Variants in SMIM10L1 observed in about 807,000 individuals in gnomAD.
SMIM10L1 encodes small integral membrane protein 10-like protein 1.
SMIM10L1 carries 6 observed loss-of-function variants against 4.5 expected under a neutral mutation model. The ratio of observed to expected loss-of-function variants is 1.33; its 90% CI spans 0.73 to 2.62. The LOEUF is 2.62. SMIM10L1 is among the 30% of genes most tolerant of loss of function. The pLI is 0.00. For synonymous variants in SMIM10L1, 49 were observed against 42.2 expected (o/e 1.16, Z -0.63); for missense variants, 66 against 86.2 (o/e 0.77, Z 0.93).
rs1565732454 is a variant in SMIM10L1 at position 11,172,497 on chromosome 12, C to T, written c.*934C>T. ...TGGGGAAAGACATTTTTATTACTTA[C>T]AGGGTAGCCATAAAGTTTCTAAAAC... On this transcript the variant is annotated 3_prime_UTR_variant, in exon 1 of 1. Coordinates refer to ENST00000622602, the MANE Select transcript of SMIM10L1 (RefSeq NM_001271592.2). The T allele has an allele frequency of 6.6e-6, 1 of 151,968 alleles. No homozygotes were observed. Among genetic ancestry groups the T allele is most frequent in the Non-Finnish European group, 1.5e-5 (1 of 68,006 alleles). 9.4% of individuals were successfully genotyped at this position (151,968 alleles called of 1,614,324 possible).
chr12:11,173,021 G>A lies in SMIM10L1; in HGVS notation c.*1458G>A, dbSNP rs1947888655. ...AAAAACTAATAATAAATCACCAAGA[G>A]TGGTAAAGTTTTAAATCAAGATCTG... On this transcript the variant is annotated 3_prime_UTR_variant, in exon 1 of 1. Coordinates refer to ENST00000622602, the MANE Select transcript of SMIM10L1 (RefSeq NM_001271592.2). The A allele has an allele frequency of 6.6e-6, 1 of 151,570 alleles. No homozygotes were observed. The allele number at this position is 151,570 out of a possible 1,614,324, so 9.4% of individuals were successfully genotyped here.
chr12:11,174,780 T>G lies in SMIM10L1; in HGVS notation c.*3217T>G, dbSNP rs1947924973. On this transcript the variant is annotated 3_prime_UTR_variant, in exon 1 of 1. Transcript: ENST00000622602. ...TCATTTTTAAAATATATTGAGTTTT[T>G]AATACCAGGAACTATGAAAAACTAT... The G allele has an allele frequency of 6.6e-6, 1 of 152,416 alleles. No homozygotes were observed. The highest frequency in any genetic ancestry group is 2.4e-5 in the African/African-American group (1 of 41,420). 9.4% of individuals were successfully genotyped at this position (152,416 alleles called of 1,614,324 possible).
At position 11,172,401 on chromosome 12, in the gene SMIM10L1, G is replaced by A. The variant is rs34270405; in HGVS notation, c.*838G>A. ...ACAAGTGGGAATGTTGAAGGAGGGC[G>A]GGGGAAGTAAATGGAATGGGGGTTA... On this transcript the variant is annotated 3_prime_UTR_variant, in exon 1 of 1. Coordinates refer to ENST00000622602, the MANE Select transcript of SMIM10L1 (RefSeq NM_001271592.2). The A allele has an allele frequency of 0.23, 35,576 of 152,052 alleles. 4,184 individuals are homozygous for A. Among genetic ancestry groups the A allele is most frequent in the Non-Finnish European group, 0.25 (16,869 of 67,958 alleles). The allele number at this position is 152,052 out of a possible 1,614,324, so 9.4% of individuals were successfully genotyped here.
rs1592143970 is a variant in SMIM10L1, at chr12:11,171,651, G to GC, written c.*92dup. The GC allele has an allele frequency of 2.1e-6, 2 of 968,294 alleles. No individual in the cohort carries two copies. The highest frequency in any genetic ancestry group is 2.7e-6 in the Non-Finnish European group (2 of 747,386). The allele number at this position is 968,294 out of a possible 1,614,324, so 60.0% of individuals were successfully genotyped here. On this transcript the variant is annotated 3_prime_UTR_variant, in exon 1 of 1. Coordinates refer to ENST00000622602, the MANE Select transcript of SMIM10L1 (RefSeq NM_001271592.2). Reference sequence around the variant, plus strand: ...GGCGCGGCGGAGCAGCCAATGGCGAGCCCCACAGTCTCGCGAGAGTGCTCA... The same window carrying GC: ...GGCGCGGCGGAGCAGCCAATGGCGAGCCCCCACAGTCTCGCGAGAGTGCTCA...
chr12:11,171,506 G>GTT lies in SMIM10L1; in HGVS notation c.151_152insTT (p.Tyr51PhefsTer9). The GTT allele has an allele frequency of 8.1e-7, 1 of 1,232,296 alleles. No homozygotes were observed. Among genetic ancestry groups the GTT allele is most frequent in the Non-Finnish European group, 1.0e-6 (1 of 988,106 alleles). The allele number at this position is 1,232,296 out of a possible 1,614,324, so 76.3% of individuals were successfully genotyped here. A position where few individuals can be genotyped will look rare whatever the true frequency, so the allele number is the denominator to read the frequency against. Reference sequence around the variant, plus strand: ...CCTGGCAGCTGCGCATGAACTTCCCGTACTTCTACGTCGCGGGCTCGGTGA... The same window carrying GTT: ...CCTGGCAGCTGCGCATGAACTTCCCGTTTACTTCTACGTCGCGGGCTCGGTGA... On this transcript the variant is annotated frameshift_variant, in exon 1 of 1. Coordinates refer to ENST00000622602, the MANE Select transcript of SMIM10L1 (RefSeq NM_001271592.2). LOFTEE classifies it high-confidence loss of function.
rs969453479 is a variant in SMIM10L1 at position 11,173,613 on chromosome 12, C to G, written c.*2050C>G. ...TCGTGGACATCACTGTTTCCCAGAG[C>G]ACTGATGTCCCAATTTGTAACACAA... On this transcript the variant is annotated 3_prime_UTR_variant, in exon 1 of 1. Coordinates refer to ENST00000622602, the MANE Select transcript of SMIM10L1 (RefSeq NM_001271592.2). 10 of 152,168 alleles carry G rather than the reference C, an allele frequency of 6.6e-5. No homozygotes were observed. Among genetic ancestry groups the G allele is most frequent in the Non-Finnish European group, 1.2e-4 (8 of 68,022 alleles). The allele number at this position is 152,168 out of a possible 1,614,324, so 9.4% of individuals were successfully genotyped here.
At position 11,173,924 on chromosome 12, in the gene SMIM10L1, ATATG is replaced by A. The variant is rs1298159898; in HGVS notation, c.*2365_*2368del. On this transcript the variant is annotated 3_prime_UTR_variant, in exon 1 of 1. Transcript: ENST00000622602. The stretch of plus-strand genomic sequence containing the variant: ...ATATATAAATTTAAGTAGTAACTAT[ATATG>A]TATATATGTATAGTTACTACTTACT... The A allele has an allele frequency of 9.9e-5, 15 of 151,394 alleles. No individual in the cohort carries two copies. The highest frequency in any genetic ancestry group is 2.1e-4 in the South Asian group (1 of 4,818). 9.4% of individuals were successfully genotyped at this position (151,394 alleles called of 1,614,324 possible).
chr12:11,173,119 GA>G lies in SMIM10L1; in HGVS notation c.*1557del, dbSNP rs1356126678. 2 of 151,922 alleles carry G rather than the reference GA, an allele frequency of 1.3e-5. No individual in the cohort carries two copies. Among genetic ancestry groups the G allele is most frequent in the Non-Finnish European group, 2.9e-5 (2 of 67,974 alleles). The allele number at this position is 151,922 out of a possible 1,614,324, so 9.4% of individuals were successfully genotyped here. ...AAAAAATTAACTAATAAACCACTAAGAGGGGTAAAGTGTTAAAATAGTTGCA... is the reference window on the plus strand; with the variant it reads ...AAAAAATTAACTAATAAACCACTAAGGGGGTAAAGTGTTAAAATAGTTGCA... On this transcript the variant is annotated 3_prime_UTR_variant, in exon 1 of 1. Transcript: ENST00000622602.
In SMIM10L1 at chr12:11,171,637, G is replaced by C; in HGVS notation, c.*74G>C. 1 of 1,048,190 alleles carries C rather than the reference G, an allele frequency of 9.5e-7. No individual in the cohort carries two copies. Among genetic ancestry groups the C allele is most frequent in the Non-Finnish European group, 1.2e-6 (1 of 820,338 alleles). The allele number at this position is 1,048,190 out of a possible 1,614,324, so 64.9% of individuals were successfully genotyped here. A position where few individuals can be genotyped will look rare whatever the true frequency, so the allele number is the denominator to read the frequency against. On this transcript the variant is annotated 3_prime_UTR_variant, in exon 1 of 1. Coordinates refer to ENST00000622602, the MANE Select transcript of SMIM10L1 (RefSeq NM_001271592.2). ...CCAGGGTCCGTTGCGGCGCGGCGGAGCAGCCAATGGCGAGCCCCACAGTCT... is the reference window on the plus strand; with the variant it reads ...CCAGGGTCCGTTGCGGCGCGGCGGACCAGCCAATGGCGAGCCCCACAGTCT...
rs1449212359 is a variant in SMIM10L1, at chr12:11,174,085, TG to T, written c.*2523del. On this transcript the variant is annotated 3_prime_UTR_variant, in exon 1 of 1. Coordinates refer to ENST00000622602, the MANE Select transcript of SMIM10L1 (RefSeq NM_001271592.2). ...GGAGTTAAATGTATTAGGAGGTAAA[TG>T]TAAACTCTGTGGTTTATCATTTATT... 1 of 151,960 alleles carries T rather than the reference TG, an allele frequency of 6.6e-6. No homozygotes were observed. The highest frequency in any genetic ancestry group is 6.6e-5 in the Admixed American group (1 of 15,250). The allele number at this position is 151,960 out of a possible 1,614,324, so 9.4% of individuals were successfully genotyped here.
In SMIM10L1 at chr12:11,173,936, GTA is replaced by G. The variant is rs1297203448; in HGVS notation, c.*2376_*2377del. The G allele has an allele frequency of 6.6e-6, 1 of 150,836 alleles. No homozygotes were observed. The highest frequency in any genetic ancestry group is 2.4e-5 in the African/African-American group (1 of 40,980). The allele number at this position is 150,836 out of a possible 1,614,324, so 9.3% of individuals were successfully genotyped here. A position where few individuals can be genotyped will look rare whatever the true frequency, so the allele number is the denominator to read the frequency against. ...AAGTAGTAACTATATATGTATATATGTATAGTTACTACTTACTATATATGTAT... is the reference window on the plus strand; with the variant it reads ...AAGTAGTAACTATATATGTATATATGTAGTTACTACTTACTATATATGTAT... On this transcript the variant is annotated 3_prime_UTR_variant, in exon 1 of 1. Transcript: ENST00000622602.
chr12:11,171,663 C>G lies in SMIM10L1; in HGVS notation c.*100C>G. 3.5e-6 allele frequency: 3 copies of G among 860,882 alleles called. No homozygotes were observed. The highest frequency in any genetic ancestry group is 4.6e-6 in the Non-Finnish European group (3 of 649,362). 53.3% of individuals were successfully genotyped at this position (860,882 alleles called of 1,614,324 possible). On this transcript the variant is annotated 3_prime_UTR_variant, in exon 1 of 1. Transcript: ENST00000622602. Reference sequence around the variant, plus strand: ...CAGCCAATGGCGAGCCCCACAGTCTCGCGAGAGTGCTCAGGCGCTCTTCGT... The same window carrying G: ...CAGCCAATGGCGAGCCCCACAGTCTGGCGAGAGTGCTCAGGCGCTCTTCGT...
In SMIM10L1 at chr12:11,175,290, G is replaced by C. The variant is rs1947931779; in HGVS notation, c.*3727G>C. 1 of 152,126 alleles carries C rather than the reference G, an allele frequency of 6.6e-6. No individual in the cohort carries two copies. The highest frequency in any genetic ancestry group is 1.5e-5 in the Non-Finnish European group (1 of 68,006). The allele number at this position is 152,126 out of a possible 1,614,324, so 9.4% of individuals were successfully genotyped here. ...ACTTTCCTGTGCTACCCAGAGTAGA[G>C]ATCAGACAATGTTAAATTTTGAAGC... On this transcript the variant is annotated 3_prime_UTR_variant, in exon 1 of 1. Coordinates refer to ENST00000622602, the MANE Select transcript of SMIM10L1 (RefSeq NM_001271592.2).
rs1293050665 is a variant in SMIM10L1 at position 11,172,800 on chromosome 12, A to G, written c.*1237A>G. 1 of 152,238 alleles carries G rather than the reference A, an allele frequency of 6.6e-6. No individual in the cohort carries two copies. Among genetic ancestry groups the G allele is most frequent in the Admixed American group, 6.5e-5 (1 of 15,284 alleles). 9.4% of individuals were successfully genotyped at this position (152,238 alleles called of 1,614,324 possible). A position where few individuals can be genotyped will look rare whatever the true frequency, so the allele number is the denominator to read the frequency against. ...TACACTGTATACACGGTATACCTCA[A>G]CTGTGAATAATAGTAGTCATGTAAA... On this transcript the variant is annotated 3_prime_UTR_variant, in exon 1 of 1. Coordinates refer to ENST00000622602, the MANE Select transcript of SMIM10L1 (RefSeq NM_001271592.2).
In SMIM10L1 at chr12:11,172,443, A is replaced by G. The variant is rs1947876279; in HGVS notation, c.*880A>G. ...TGGGGGTTATGTCCTTATAAAGTGG[A>G]AACTTGAAAGGTACTGTCTGTTGTT... On this transcript the variant is annotated 3_prime_UTR_variant, in exon 1 of 1. Coordinates refer to ENST00000622602, the MANE Select transcript of SMIM10L1 (RefSeq NM_001271592.2). 1 of 152,176 alleles carries G rather than the reference A, an allele frequency of 6.6e-6. No homozygotes were observed. Among genetic ancestry groups the G allele is most frequent in the Admixed American group, 6.5e-5 (1 of 15,282 alleles). 9.4% of individuals were successfully genotyped at this position (152,176 alleles called of 1,614,324 possible).
Position 11,175,298 on chromosome 12 carries a change from A to G in SMIM10L1, c.*3735A>G, listed in dbSNP as rs1417573026. 1 of 152,170 alleles carries G rather than the reference A, an allele frequency of 6.6e-6. No homozygotes were observed. The highest frequency in any genetic ancestry group is 1.5e-5 in the Non-Finnish European group (1 of 68,018). The allele number at this position is 152,170 out of a possible 1,614,324, so 9.4% of individuals were successfully genotyped here. ...GTGCTACCCAGAGTAGAGATCAGAC[A>G]ATGTTAAATTTTGAAGCCATGTCTG... On this transcript the variant is annotated 3_prime_UTR_variant, in exon 1 of 1. Transcript: ENST00000622602.
In SMIM10L1 at chr12:11,173,940, A is replaced by G. The variant is rs1947909875; in HGVS notation, c.*2377A>G. 1 of 151,370 alleles carries G rather than the reference A, an allele frequency of 6.6e-6. No individual in the cohort carries two copies. The highest frequency in any genetic ancestry group is 6.6e-5 in the Admixed American group (1 of 15,150). 9.4% of individuals were successfully genotyped at this position (151,370 alleles called of 1,614,324 possible). ...AGTAACTATATATGTATATATGTAT[A>G]GTTACTACTTACTATATATGTATAC... On this transcript the variant is annotated 3_prime_UTR_variant, in exon 1 of 1. Coordinates refer to ENST00000622602, the MANE Select transcript of SMIM10L1 (RefSeq NM_001271592.2).
At position 11,173,397 on chromosome 12, in the gene SMIM10L1, A is replaced by G. The variant is rs555199062; in HGVS notation, c.*1834A>G. On this transcript the variant is annotated 3_prime_UTR_variant, in exon 1 of 1. Transcript: ENST00000622602. Reference sequence around the variant, plus strand: ...ATTTTTCCTGGATTCCACTGACCATATAGGAGCTCACTTCTTTTAATCCAT... The same window carrying G: ...ATTTTTCCTGGATTCCACTGACCATGTAGGAGCTCACTTCTTTTAATCCAT... The G allele has an allele frequency of 3.3e-5, 5 of 152,260 alleles. No individual in the cohort carries two copies. In the East Asian group the frequency reaches 7.7e-4, roughly 23 times the overall value. 9.4% of individuals were successfully genotyped at this position (152,260 alleles called of 1,614,324 possible).
Position 11,171,556 on chromosome 12 carries a change from A to G in SMIM10L1, c.200A>G (p.His67Arg), listed in dbSNP as rs1284016204. The G allele has an allele frequency of 1.6e-6, 2 of 1,231,968 alleles. No homozygotes were observed. Among genetic ancestry groups the G allele is most frequent in the Admixed American group, 4.2e-5 (1 of 23,692 alleles). The allele number at this position is 1,231,968 out of a possible 1,614,324, so 76.3% of individuals were successfully genotyped here. A position where few individuals can be genotyped will look rare whatever the true frequency, so the allele number is the denominator to read the frequency against. Residue 67 changes from histidine (H) to arginine (R), a missense_variant, in exon 1 of 1, where the codon CAT becomes CGT. By Grantham distance (29) the His-to-Arg change is conservative. Transcript: ENST00000622602. Reference protein sequence around the residue: ...SVILNIRLQVHI With the variant: ...SVILNIRLQVRI The stretch of plus-strand genomic sequence containing the variant: ...ATCCTCAACATCCGATTGCAGGTAC[A>G]TATTTAGAGCCATGACTAAGCTAAC...
Sources: gnomAD v4.1 joint callset for allele counts on GRCh38, gnomAD v4.1.1 for gene constraint, MANE v1.5 for transcripts, NCBI Gene and HGNC (gene_info 2026-07-23, HGNC 2026-07-21) for gene names.